The following EGLN2 variants were observed in gnomAD, a reference collection of about 807,000 sequenced individuals.
EGLN2 encodes prolyl hydroxylase EGLN2.
In EGLN2, 15 loss-of-function variants were observed where a neutral mutation model predicts 38.2. The observed-to-expected ratio is 0.39, with a 90% CI of 0.26 to 0.60. The LOEUF is 0.60. EGLN2 is among the 20% of genes least tolerant of loss of function. The probability of loss-of-function intolerance (pLI) is 0.50; values close to 1 mark genes in which losing one functional copy is unlikely to be tolerated. For missense variants in EGLN2, 492 were observed against 570.4 expected, an observed-to-expected ratio of 0.86 and a Z score of 1.40; for synonymous variants, 284 against 237.4, an observed-to-expected ratio of 1.20 and a Z score of -1.81.
In EGLN2 at chr19:40,801,225, G is replaced by T; in HGVS notation, c.653G>T (p.Arg218Leu). 2.5e-6 allele frequency: 4 copies of T among 1,612,498 alleles called. No individual in the cohort carries two copies. The highest frequency in any genetic ancestry group is 3.4e-6 in the Non-Finnish European group (4 of 1,179,898). ...GTGGAGGCCCTCAAACGGGGTGGGC[G>T]CCTGCGAGACGGGCAGCTAGTGAGC... ...AEVEALKRGG[R>L]LRDGQLVSQR... is the part of the protein sequence containing the mutation. Residue 218 changes from arginine to leucine, a missense_variant, in exon 2 of 6, where the codon CGC becomes CTC. Coordinates refer to ENST00000303961, the MANE Select transcript of EGLN2 (RefSeq NM_080732.4).
At chr19:40,802,471 GTCCCTT>G (rs1164892579) in intron 2 of EGLN2, among the ~76,000 whole-genome samples, 2 of 152,170 alleles carry the variant, frequency 1.3e-5, no homozygotes, top group Non-Finnish European at 2.9e-5. Context: ...TTTGTTCTTA[GTCCCTT>G]TTTCTTTTTG....
At chr19:40,803,884 C>CT (rs1482231280) in intron 2 of EGLN2, among the ~76,000 whole-genome samples, 1 of 152,054 alleles carries the variant, frequency 6.6e-6, no homozygotes, top group African/African-American at 2.4e-5. Flanking sequence ...GCCTTTAAGT[C>CT]TTTGGTCTCC....
intron 4 of EGLN2, 34 bp from the exon 5 acceptor site, chr19:40,807,450 C>A: frequency 6.2e-7 from 1 of 1,612,962 alleles, no homozygotes; most frequent in Non-Finnish European, 8.5e-7. Flanking sequence ...GCTGGAATTG[C>A]AGAAAACTAA....
At chr19:40,801,605 G>T (rs1272396422) in intron 2 of EGLN2, among the ~76,000 whole-genome samples, 190 bp downstream of exon 2, 1 of 148,592 alleles carries the variant, frequency 6.7e-6, no homozygotes, top group Non-Finnish European at 1.5e-5. Flanking sequence ...GGGCCTTAAT[G>T]TGTGCACCTG....
In EGLN2 at chr19:40,801,270, G is replaced by A. The variant is rs756312933; in HGVS notation, c.698G>A (p.Arg233His). 16 of 1,613,050 alleles carry A rather than the reference G, an allele frequency of 9.9e-6. No homozygotes were observed. Among genetic ancestry groups the A allele is most frequent in the Middle Eastern group, 1.6e-4 (1 of 6,062 alleles). ...QLVSQRAIPP[R>H]SIRGDQIAWV... ...GTGAGCCAGAGGGCGATCCCGCCGC[G>A]CAGCATCCGTGGGGACCAGATTGCC... is the stretch of plus-strand genomic sequence containing the variant. The change falls in exon 2 of 6, where the codon CGC becomes CAC. Residue 233 changes from arginine to histidine, a missense_variant. By Grantham distance (29) the Arg-to-His change is conservative. Coordinates refer to ENST00000303961, the MANE Select transcript of EGLN2 (RefSeq NM_080732.4).
At chr19:40,806,436 C>T (rs2083301232) in intron 2 of EGLN2, 119 bp from the exon 3 acceptor site, 4 of 1,533,188 alleles carry the variant, frequency 2.6e-6, no homozygotes, top group Middle Eastern at 2.4e-4. Flanking sequence ...GAACCCTTGA[C>T]CCAAGGAGTC....
rs758166309 is a variant in EGLN2 at position 40,807,245 on chromosome 19, C to G, written c.1071C>G (p.Pro357=). The G allele has an allele frequency of 6.2e-7, 1 of 1,614,194 alleles. No homozygotes were observed. The highest frequency in any genetic ancestry group is 8.5e-7 in the Non-Finnish European group (1 of 1,180,002). The change falls in exon 4 of 6, where the codon CCC becomes CCG. Residue 357 remains proline (P), a synonymous_variant. Coordinates refer to ENST00000303961, the MANE Select transcript of EGLN2 (RefSeq NM_080732.4). ...TTTTCTGGTCTGACCGGCGGAACCC[C>G]CACGAGGTGAAGCCAGCCTATGCCA... ...LLIFWSDRRN[P]HEVKPAYATR...
intron 2 of EGLN2, chr19:40,806,312 CCAGGTAT>C: frequency 1.6e-6 from 1 of 627,116 alleles, no homozygotes. Flanking sequence ...GTGCCAGGCC[CCAGGTAT>C]GTGTGTTGGG....
In EGLN2 at chr19:40,807,857, C is replaced by T. The variant is rs1322173802; in HGVS notation, c.1217C>T (p.Pro406Leu). Residue 406 changes from proline (P) to leucine (L), a missense_variant, in exon 6 of 6, where the codon CCC becomes CTC. By Grantham distance (98) the Pro-to-Leu change is moderately conservative (BLOSUM62 -3). Coordinates refer to ENST00000303961, the MANE Select transcript of EGLN2 (RefSeq NM_080732.4). ...VQVPVSQPPTPT is the reference protein window; with the variant it reads ...VQVPVSQPPTLT The stretch of plus-strand genomic sequence containing the variant: ...GTACCTGTATCACAGCCGCCTACGC[C>T]CACCTAGTGGCCAGTCCCAGAGCCG... 2.5e-6 allele frequency: 4 copies of T among 1,614,126 alleles called. No individual in the cohort carries two copies. Among genetic ancestry groups the T allele is most frequent in the Non-Finnish European group, 2.5e-6 (3 of 1,180,006 alleles).
intron 1 of EGLN2, chr19:40,799,481 C>A (rs922511947): frequency 1.4e-5 from 1 of 69,490 alleles, no homozygotes; most frequent in African/African-American, 5.7e-5. Context: ...GCGCGCCGGG[C>A]GGAGGCCGAG....
At chr19:40,807,459 A>G (rs1396906590) in intron 4 of EGLN2, 25 bp from the exon 5 acceptor site, 1 of 1,613,726 alleles carries the variant, frequency 6.2e-7, no homozygotes, top group South Asian at 1.1e-5. Context: ...GCAGAAAACT[A>G]ATGTCCAACC....
In EGLN2 at chr19:40,801,164, C is replaced by T; in HGVS notation, c.592C>T (p.Leu198=). Residue 198 remains leucine, a synonymous_variant, in exon 2 of 6, where the codon CTG becomes TTG. Transcript: ENST00000303961. ...CGGCATCTGCGTCAAGGACAGCTTC[C>T]TGGGGGCAGCACTGGGCGGTCGCGT... ...YYGICVKDSF[L]GAALGGRVLA... is the part of the protein sequence containing the mutation. 1 of 1,612,986 alleles carries T rather than the reference C, an allele frequency of 6.2e-7. No individual in the cohort carries two copies. The highest frequency in any genetic ancestry group is 8.5e-7 in the Non-Finnish European group (1 of 1,179,938).
chr19:40,801,431 G>A lies in EGLN2; in HGVS notation c.843+16G>A. The A allele has an allele frequency of 6.3e-7, 1 of 1,593,710 alleles. No individual in the cohort carries two copies. Among genetic ancestry groups the A allele is most frequent in the East Asian group, 2.2e-5 (1 of 44,696 alleles). ...GCGCACCAAGGTAAGGCTAGGTGGG[G>A]GCCTCTTTGGAGGGGCTTTGCAGCA... On this transcript the variant is annotated intron_variant, in intron 2 of 5. Coordinates refer to ENST00000303961, the MANE Select transcript of EGLN2 (RefSeq NM_080732.4).
At chr19:40,807,006 A>T (rs2083308332) in intron 3 of EGLN2, 132 bp from the exon 4 acceptor site, 4 of 1,397,154 alleles carry the variant, frequency 2.9e-6, no homozygotes, top group African/African-American at 1.4e-5. Flanking sequence ...GTTGTCATTC[A>T]CTTTGAGAGC....
At position 40,807,213 on chromosome 19, in the gene EGLN2, T is replaced by C. The variant is rs753087071; in HGVS notation, c.1039T>C (p.Leu347=). Residue 347 remains leucine (L), a synonymous_variant, in exon 4 of 6, where the codon TTG becomes CTG. Coordinates refer to ENST00000303961, the MANE Select transcript of EGLN2 (RefSeq NM_080732.4). ...VANIEPLFDR[L]LIFWSDRRNP... is the part of the protein sequence containing the mutation. The stretch of plus-strand genomic sequence containing the variant: ...CAACATCGAGCCACTCTTTGACCGG[T>C]TGCTCATTTTCTGGTCTGACCGGCG... The C allele has an allele frequency of 1.0e-4, 163 of 1,614,006 alleles. No homozygotes were observed. Among genetic ancestry groups the C allele is most frequent in the Non-Finnish European group, 1.3e-4 (153 of 1,180,006 alleles).
chr19:40,806,925 T>G, intron 3 of EGLN2: 1 of 943,852 alleles, frequency 1.1e-6, no homozygotes, highest in Non-Finnish European at 1.6e-6. Flanking sequence ...CCCGGCCTTG[T>G]AATGAACACT....
intron 2 of EGLN2, chr19:40,804,418 A>T (rs934056505): frequency 6.6e-6 from 1 of 152,588 alleles, no homozygotes; most frequent in Non-Finnish European, 1.5e-5. Flanking sequence ...GGTGGCGATG[A>T]GCTCAGCCTG....
intron 2 of EGLN2, among the ~76,000 whole-genome samples, chr19:40,802,326 G>T (rs2083267746): frequency 6.6e-6 from 1 of 152,084 alleles, no homozygotes; most frequent in East Asian, 1.9e-4. Flanking sequence ...GTACTGGGTG[G>T]CTGCCTGTTG....
At position 40,800,822 on chromosome 19, in the gene EGLN2, G is replaced by A. The variant is rs1188858084; in HGVS notation, c.250G>A (p.Asp84Asn). Reference protein sequence around the residue: ...SPLRDGFGGQDGGELRPLQSE... With the variant: ...SPLRDGFGGQNGGELRPLQSE... ...TCTTCGGGACGGTTTTGGCGGGCAG[G>A]ATGGTGGTGAGCTGCGGCCGCTGCA... The change falls in exon 2 of 6, where the codon GAT becomes AAT. Residue 84 changes from aspartate to asparagine, a missense_variant. By Grantham distance (23) the Asp-to-Asn change is conservative. Transcript: ENST00000303961. The A allele has an allele frequency of 1.9e-6, 3 of 1,613,180 alleles. No individual in the cohort carries two copies. Among genetic ancestry groups the A allele is most frequent in the East Asian group, 4.5e-5 (2 of 44,896 alleles).
Sources: allele counts gnomAD v4.1 joint callset (sites outside exome capture counted in the v4.1 genomes callset), GRCh38; gene constraint gnomAD v4.1.1; transcripts MANE v1.5; gene names NCBI Gene and HGNC (gene_info 2026-07-23, HGNC 2026-07-21).